The following SLC4A4 variants were observed in gnomAD, a reference collection of about 807,000 sequenced individuals.
The protein encoded by SLC4A4 is electrogenic sodium bicarbonate cotransporter 1.
SLC4A4 carries 27 observed loss-of-function variants against 111.5 expected under a neutral mutation model. The ratio of observed to expected loss-of-function variants is 0.24; its 90% CI spans 0.18 to 0.33. The LOEUF (loss-of-function observed/expected upper bound fraction) is 0.33, where lower values mean the gene tolerates loss of function less well. Ranked by LOEUF, SLC4A4 falls within the 10% of genes least tolerant of loss-of-function variation. The pLI, the probability that SLC4A4 is intolerant of heterozygous loss-of-function variation, is 1.00. For missense variants in SLC4A4, 909 were observed against 1,315.5 expected, an observed-to-expected ratio of 0.69 and a Z score of 4.78; for synonymous variants, 443 against 463.4, an observed-to-expected ratio of 0.96 and a Z score of 0.57.
chr4:71,081,677 G>A (rs1044776056), intron 1 of SLC4A4, among the ~76,000 whole-genome samples: 1 of 152,080 alleles, frequency 6.6e-6, no homozygotes, highest in African/African-American at 2.4e-5. Context: ...GCTGCAGCCA[G>A]AACTACCATT....
intron 1 of SLC4A4, among the ~76,000 whole-genome samples, chr4:71,207,015 TG>T (rs893194342): frequency 3.3e-5 from 5 of 152,148 alleles, no homozygotes; most frequent in African/African-American, 1.2e-4. Context: ...GCTCCTCTTC[TG>T]TAAAATAAGC....
intron 2 of SLC4A4, among the ~76,000 whole-genome samples, chr4:71,148,296 G>T (rs998881547): frequency 6.6e-6 from 1 of 151,830 alleles, no homozygotes; most frequent in Non-Finnish European, 1.5e-5. Context: ...TTTTCCCACT[G>T]GTCTCTCTCG....
At chr4:71,236,356 C>T (rs140005694) in intron 1 of SLC4A4, 3 of 898,662 alleles carry the variant, frequency 3.3e-6, no homozygotes, top group East Asian at 3.5e-5. Context: ...ATGTGGGTGC[C>T]CTCTCAAGGT....
intron 1 of SLC4A4, among the ~76,000 whole-genome samples, chr4:71,072,997 G>C (rs1450364256): frequency 1.3e-5 from 2 of 151,814 alleles, no homozygotes; most frequent in African/African-American, 4.8e-5. Context: ...GAACTCCTGG[G>C]CTTGAGGGAT....
rs1436083603 is a variant in SLC4A4 at position 71,486,983 on chromosome 4, C to T, written c.1939C>T (p.Pro647Ser). 1.9e-6 allele frequency: 3 copies of T among 1,602,934 alleles called. No individual in the cohort carries two copies. Among genetic ancestry groups the T allele is most frequent in the Non-Finnish European group, 2.6e-6 (3 of 1,171,768 alleles). Residue 647 changes from proline (P) to serine (S), a missense_variant, in exon 15 of 26, where the codon CCA becomes TCA. This residue lies in a region of SLC4A4 where 264 missense variants were observed against 356.8 expected (regional missense o/e 0.74). Coordinates refer to ENST00000264485, the MANE Select transcript of SLC4A4 (RefSeq NM_001098484.3). ...ISISNDTTLA[P>S]EYLPTMSSTD... ...AATATCTAATGACACCACACTGGCC[C>T]CAGAGTATTTGCCAACTATGTCTTC...
chr4:71,186,835 C>T (rs990345494), upstream of SLC4A4: 2 of 152,194 alleles, frequency 1.3e-5, no homozygotes, highest in African/African-American at 4.8e-5. Flanking sequence ...GGCGCCTGGG[C>T]TGGGCTCCAC....
intron 16 of SLC4A4, among the ~76,000 whole-genome samples, chr4:71,498,281 A>C (rs1223582520): frequency 6.6e-6 from 1 of 152,186 alleles, no homozygotes; most frequent in East Asian, 1.9e-4. Context: ...AAAATGCCTG[A>C]GTGAGCTTAG....
intron 18 of SLC4A4, among the ~76,000 whole-genome samples, chr4:71,542,510 T>C (rs1735157309): frequency 1.3e-5 from 2 of 152,070 alleles, no homozygotes; most frequent in Non-Finnish European, 2.9e-5. Flanking sequence ...GTTCTTAACT[T>C]CTCTAGCCTA....
At chr4:71,490,800 C>G (rs1729830064) in intron 15 of SLC4A4, among the ~76,000 whole-genome samples, 1 of 151,712 alleles carries the variant, frequency 6.6e-6, no homozygotes, top group Admixed American at 6.6e-5. Flanking sequence ...CCTCTGAATT[C>G]TGCTCTGTCA....
At chr4:71,147,019 G>T (rs1277406522) in intron 2 of SLC4A4, among the ~76,000 whole-genome samples, 47 of 146,728 alleles carry the variant, frequency 3.2e-4, no homozygotes, top group South Asian at 6.5e-4. Flanking sequence ...ACACACATAG[G>T]CTCAAAATAA....
In SLC4A4 at chr4:71,505,280, G is replaced by GAT. The variant is rs1731307832; in HGVS notation, c.2166+7596_2166+7597dup. Among the ~76,000 whole-genome samples the GAT allele has an allele frequency of 3.3e-5, 5 of 151,932 alleles. No homozygotes were observed. In the South Asian group the frequency reaches 1.0e-3, roughly 32 times the overall value. On this transcript the variant is annotated intron_variant, in intron 16 of 25. Transcript: ENST00000264485. Reference sequence around the variant, plus strand: ...TATATAAAACTTTATATATAAAATGGATATATATAAAACTTAAAATATATC... The same window carrying GAT: ...TATATAAAACTTTATATATAAAATGGATATATATATAAAACTTAAAATATATC...
At chr4:71,262,293 C>T (rs1721915189) in intron 3 of SLC4A4, among the ~76,000 whole-genome samples, 1 of 152,084 alleles carries the variant, frequency 6.6e-6, no homozygotes, top group Non-Finnish European at 1.5e-5. Context: ...AGTGTGAACT[C>T]ATAAATGCAG....
At chr4:71,084,257 A>G (rs1041173326) in intron 1 of SLC4A4, among the ~76,000 whole-genome samples, 19 of 152,056 alleles carry the variant, frequency 1.2e-4, no homozygotes, top group Non-Finnish European at 5.9e-5. Flanking sequence ...AGTATAGTCT[A>G]TAATAATAAC....
At chr4:71,069,643 T>A (rs571094870) in intron 1 of SLC4A4, among the ~76,000 whole-genome samples, 1 of 152,348 alleles carries the variant, frequency 6.6e-6, no homozygotes, top group Admixed American at 6.5e-5. Flanking sequence ...GAAAAGATGA[T>A]GTTATTAAAA....
chr4:71,092,280 A>C (rs76008611), intron 1 of SLC4A4, among the ~76,000 whole-genome samples: 13,928 of 152,224 alleles, frequency 0.091, 783 homozygotes, highest in African/African-American at 0.16. Flanking sequence ...AGTAAAATTC[A>C]TATGGTTGAT....
rs115395453 is a variant in SLC4A4, at chr4:71,333,912, T to C, written c.254-5458T>C. On this transcript the variant is annotated intron_variant, in intron 3 of 25. Transcript: ENST00000264485. ...GCCTGGGTTTCTAACTTCAGGGAAG[T>C]GGGCTCTTCTCTGGCCCAGGGCAGG... 2.3e-3 allele frequency among the ~76,000 whole-genome samples: 356 copies of C among 152,178 alleles called. 1 individual carries two copies. Among genetic ancestry groups the C allele is most frequent in the African/African-American group, 7.7e-3 (319 of 41,550 alleles).
chr4:71,353,923 A>C (rs1730066146), intron 5 of SLC4A4, among the ~76,000 whole-genome samples: 1 of 152,198 alleles, frequency 6.6e-6, no homozygotes, highest in Non-Finnish European at 1.5e-5. Flanking sequence ...GCGACTGTTT[A>C]AGCAGGTGTT....
chr4:71,073,913 G>A (rs934599329), intron 1 of SLC4A4, among the ~76,000 whole-genome samples: 1 of 151,888 alleles, frequency 6.6e-6, no homozygotes, highest in Non-Finnish European at 1.5e-5. Context: ...GCGAAAACCT[G>A]TCTCTACAAA....
intron 1 of SLC4A4, among the ~76,000 whole-genome samples, chr4:71,217,796 T>G (rs1402010699): frequency 6.6e-6 from 1 of 152,176 alleles, no homozygotes; most frequent in Non-Finnish European, 1.5e-5. Flanking sequence ...ACTGTTGGTT[T>G]TTATAGAACT....
Sources: allele counts gnomAD v4.1 joint callset (sites outside exome capture counted in the v4.1 genomes callset), GRCh38; gene constraint gnomAD v4.1.1; regional missense constraint gnomAD v4.1.1; transcripts MANE v1.5; gene names NCBI Gene and HGNC (gene_info 2026-07-23, HGNC 2026-07-21).